The following DIRAS2 variants were observed in gnomAD, a reference collection of about 807,000 sequenced individuals.
DIRAS2 encodes DIRAS family GTPase 2.
A neutral mutation model predicts 13.9 loss-of-function variants in DIRAS2; 5 were observed. That is an observed-to-expected ratio of 0.36 (90% confidence interval 0.19 to 0.76). The LOEUF is 0.76. DIRAS2 is among the 30% of genes least tolerant of loss of function. DIRAS2 has a pLI of 0.53. For missense variants in DIRAS2, 191 were observed against 263.0 expected, an observed-to-expected ratio of 0.73 and a Z score of 1.89; for synonymous variants, 111 against 105.4, an observed-to-expected ratio of 1.05 and a Z score of -0.33.
At chr9:90,623,160 CTGTT>C (rs1249333581) in intron 1 of DIRAS2, among the ~76,000 whole-genome samples, 1 of 152,288 alleles carries the variant, frequency 6.6e-6, no homozygotes, top group East Asian at 1.9e-4. Flanking sequence ...CTCTGTGTCT[CTGTT>C]TGCTCATTTT....
chr9:90,616,736 C>CAAAAAAA (rs11422558), intron 1 of DIRAS2, among the ~76,000 whole-genome samples: 4 of 88,430 alleles, frequency 4.5e-5, no homozygotes, highest in South Asian at 4.1e-4. Flanking sequence ...GACTCCATCA[C>CAAAAAAA]AAAAAAAAAA....
intron 1 of DIRAS2, among the ~76,000 whole-genome samples, chr9:90,638,953 G>A (rs1470071144): frequency 6.6e-6 from 1 of 152,094 alleles, no homozygotes; most frequent in Non-Finnish European, 1.5e-5. Flanking sequence ...CTTTGTCTGA[G>A]CTCTGATGAT....
At chr9:90,627,250 C>A (rs1047982108) in intron 1 of DIRAS2, among the ~76,000 whole-genome samples, 3 of 152,106 alleles carry the variant, frequency 2.0e-5, no homozygotes, top group Non-Finnish European at 4.4e-5. Flanking sequence ...GAACCATGAG[C>A]CAACTAAGCC....
intron 1 of DIRAS2, among the ~76,000 whole-genome samples, chr9:90,629,933 ATAGT>A (rs1362594983): frequency 2.0e-5 from 3 of 152,242 alleles, no homozygotes; most frequent in African/African-American, 4.8e-5. Flanking sequence ...GCTTTGCTAA[ATAGT>A]TAGGCAAAAG....
At chr9:90,620,664 G>A (rs1181005607) in intron 1 of DIRAS2, among the ~76,000 whole-genome samples, 3 of 151,752 alleles carry the variant, frequency 2.0e-5, no homozygotes, top group African/African-American at 7.3e-5. Flanking sequence ...ACTGAGGCAC[G>A]AGAATTGCTT....
At chr9:90,623,860 T>C (rs995607735) in intron 1 of DIRAS2, among the ~76,000 whole-genome samples, 2 of 152,216 alleles carry the variant, frequency 1.3e-5, no homozygotes, top group Non-Finnish European at 2.9e-5. Context: ...GGTGATACAA[T>C]GAGACCCTGT....
rs1450402766 is a variant in DIRAS2, at chr9:90,610,695, C to T, written c.*2533G>A. On this transcript the variant is annotated 3_prime_UTR_variant, in exon 2 of 2. Transcript: ENST00000375765. ...AGTCAATTGGGGATCTCCTAAAAGA[C>T]GATTTTGAGATAACCATTGATATCC... 3.0e-5 allele frequency: 10 copies of T among 335,734 alleles called. No individual in the cohort carries two copies. Among genetic ancestry groups the T allele is most frequent in the Non-Finnish European group, 4.8e-5 (9 of 188,226 alleles). 20.8% of individuals were successfully genotyped at this position (335,734 alleles called of 1,614,324 possible). A position where few individuals can be genotyped will look rare whatever the true frequency, so the allele number is the denominator to read the frequency against.
intron 1 of DIRAS2, among the ~76,000 whole-genome samples, chr9:90,614,221 G>GCA (rs1401083699): frequency 6.6e-6 from 1 of 151,582 alleles, no homozygotes; most frequent in Non-Finnish European, 1.5e-5. Context: ...ACACACATAT[G>GCA]CACACACACA....
Position 90,613,076 on chromosome 9 carries a change from G to T in DIRAS2, c.*152C>A. On this transcript the variant is annotated 3_prime_UTR_variant, in exon 2 of 2. Transcript: ENST00000375765. The surrounding 1 kb of genome is among the most constrained non-coding windows in gnomAD (Gnocchi z 5.6). ...GTGGGTGGCTTACTGTTGGTGGTGT[G>T]AAACGCCCTCTTAAGGACAATAGGA... 8.6e-7 allele frequency: 1 copy of T among 1,168,926 alleles called. No homozygotes were observed. The allele number at this position is 1,168,926 out of a possible 1,614,324, so 72.4% of individuals were successfully genotyped here.
chr9:90,610,138 G>T lies in DIRAS2; in HGVS notation c.*3090C>A. The T allele has an allele frequency of 3.3e-6, 1 of 299,294 alleles. No homozygotes were observed. Among genetic ancestry groups the T allele is most frequent in the Non-Finnish European group, 6.0e-6 (1 of 165,648 alleles). The allele number at this position is 299,294 out of a possible 1,614,324, so 18.5% of individuals were successfully genotyped here. ...TTGTAGATATTTCCAGAGAACTTAT[G>T]TAGAAGCAACACATTACAAATTTTG... is the stretch of plus-strand genomic sequence containing the variant. On this transcript the variant is annotated 3_prime_UTR_variant, in exon 2 of 2. Transcript: ENST00000375765.
chr9:90,613,239 C>T lies in DIRAS2; in HGVS notation c.589G>A (p.Val197Met), dbSNP rs566281003. The change falls in exon 2 of 2, where the codon GTG becomes ATG. Residue 197 changes from valine to methionine, a missense_variant. Physicochemically the swap from Val to Met is conservative, Grantham distance 21. Coordinates refer to ENST00000375765, the MANE Select transcript of DIRAS2 (RefSeq NM_017594.5). The surrounding 1 kb of genome is among the most constrained non-coding windows in gnomAD (Gnocchi z 5.6). ...CGCAGGAAGGGCCTTCACATGATCA[C>T]GCACTTGCCTTTGAGCTTCTCTTTC... is the stretch of plus-strand genomic sequence containing the variant. ...KRKEKLKGKCVIM is the reference protein window; with the variant it reads ...KRKEKLKGKCMIM 2.5e-6 allele frequency: 4 copies of T among 1,612,580 alleles called. No homozygotes were observed. Among genetic ancestry groups the T allele is most frequent in the East Asian group, 2.2e-5 (1 of 44,840 alleles).
At chr9:90,622,097 C>A (rs1047059408) in intron 1 of DIRAS2, among the ~76,000 whole-genome samples, 3 of 151,960 alleles carry the variant, frequency 2.0e-5, no homozygotes, top group African/African-American at 7.3e-5. Flanking sequence ...ATAAAAAATA[C>A]AAAAGTAAGC....
chr9:90,624,402 A>G (rs1587722664), intron 1 of DIRAS2, among the ~76,000 whole-genome samples: 1 of 142,514 alleles, frequency 7.0e-6, no homozygotes, highest in Non-Finnish European at 1.6e-5. Flanking sequence ...GGAATCTTGT[A>G]TTGTAGTGTT....
At chr9:90,626,978 G>A (rs1250959892) in intron 1 of DIRAS2, among the ~76,000 whole-genome samples, 1 of 152,202 alleles carries the variant, frequency 6.6e-6, no homozygotes, top group Non-Finnish European at 1.5e-5. Context: ...TGGAGGTGGG[G>A]CCCGGTGGGA....
intron 1 of DIRAS2, among the ~76,000 whole-genome samples, chr9:90,626,898 CA>C (rs1825274724): frequency 6.6e-6 from 1 of 152,262 alleles, no homozygotes; most frequent in African/African-American, 2.4e-5. Context: ...ATGCAGTATA[CA>C]TAGACAGGTG....
At chr9:90,642,709 T>G (rs1479475545) in intron 1 of DIRAS2, 43 bp downstream of exon 1, 1 of 152,728 alleles carries the variant, frequency 6.5e-6, no homozygotes, top group Non-Finnish European at 1.5e-5. Context: ...CGTGCCCCAA[T>G]GCGGACGCAG....
intron 1 of DIRAS2, among the ~76,000 whole-genome samples, chr9:90,618,726 G>T (rs185274323): frequency 2.8e-4 from 42 of 152,152 alleles, no homozygotes; most frequent in African/African-American, 9.2e-4. Flanking sequence ...ATGGGCAAAA[G>T]ACTTAAAAAG....
At chr9:90,638,331 A>C (rs1323729841) in intron 1 of DIRAS2, among the ~76,000 whole-genome samples, 1 of 152,242 alleles carries the variant, frequency 6.6e-6, no homozygotes, top group East Asian at 1.9e-4. Flanking sequence ...CATGGTTTTC[A>C]TGATATTCAG....
chr9:90,623,880 CA>C (rs1466704404), intron 1 of DIRAS2, among the ~76,000 whole-genome samples: 2 of 152,150 alleles, frequency 1.3e-5, no homozygotes, highest in Non-Finnish European at 2.9e-5. Context: ...TCTAAACAAA[CA>C]GTCAAAACTA....
Sources: allele counts gnomAD v4.1 joint callset (sites outside exome capture counted in the v4.1 genomes callset), GRCh38; gene constraint gnomAD v4.1.1; non-coding constraint Gnocchi (gnomAD v3.1); transcripts MANE v1.5; gene names NCBI Gene and HGNC (gene_info 2026-07-23, HGNC 2026-07-21).